The following KRT73 variants were observed in gnomAD, a reference collection of about 807,000 sequenced individuals.
The protein encoded by KRT73 is keratin, type II cytoskeletal 73.
In KRT73, 44 loss-of-function variants were observed where a neutral mutation model predicts 47.2. The observed-to-expected ratio is 0.93, with a 90% CI of 0.73 to 1.20. The LOEUF (loss-of-function observed/expected upper bound fraction) is 1.20. Ranked by LOEUF, KRT73 falls within the 50% of genes most tolerant of loss-of-function variation. The pLI is 0.00. For missense variants in KRT73, 713 were observed against 704.5 expected, an observed-to-expected ratio of 1.01 and a Z score of -0.14; for synonymous variants, 285 against 291.3, an observed-to-expected ratio of 0.98 and a Z score of 0.22.
chr12:52,608,694 T>G (rs1168873586), intron 8 of KRT73, among the ~76,000 whole-genome samples: 1 of 152,236 alleles, frequency 6.6e-6, no homozygotes. Context: ...GCAAGGGCTT[T>G]CCCCAGGGGA....
upstream of KRT73, among the ~76,000 whole-genome samples, chr12:52,620,235 T>C (rs373051179): frequency 8.1e-5 from 12 of 147,928 alleles, no homozygotes; most frequent in South Asian, 2.0e-3. Flanking sequence ...TGCCTCAGCC[T>C]CCTGAGTAGC....
intron 1 of KRT73, among the ~76,000 whole-genome samples, chr12:52,616,796 G>A (rs1025158840): frequency 1.1e-4 from 17 of 152,136 alleles, no homozygotes; most frequent in African/African-American, 4.1e-4. Flanking sequence ...CCCGTGCTCT[G>A]CCTAGTCTCT....
At position 52,608,447 on chromosome 12, in the gene KRT73, T is replaced by C. The variant is rs1472437944; in HGVS notation, c.1372A>G (p.Ile458Val). Reference protein sequence around the residue: ...EYTNSVSISVINSSMAGMAGT... With the variant: ...EYTNSVSISVVNSSMAGMAGT... ...GCCATCCCGGCCATGGAGCTGTTGA[T>C]GACCGCTGCAGAGGAGGGAGGGACG... is the stretch of plus-strand genomic sequence containing the variant. The change falls in exon 9 of 9, where the codon ATC becomes GTC. Residue 458 changes from isoleucine to valine, a missense_variant. Transcript: ENST00000305748. The C allele has an allele frequency of 3.7e-6, 6 of 1,608,958 alleles. No individual in the cohort carries two copies. Among genetic ancestry groups the C allele is most frequent in the Middle Eastern group, 4.4e-4 (2 of 4,558 alleles).
chr12:52,611,074 G>T, intron 6 of KRT73, 130 bp downstream of exon 6: 1 of 1,202,728 alleles, frequency 8.3e-7, no homozygotes, highest in Non-Finnish European at 1.2e-6. Flanking sequence ...AAGGGTGAGG[G>T]ATGAGAGCAG....
At chr12:52,612,935 G>C (rs554621785) in intron 5 of KRT73, 1 of 152,324 alleles carries the variant, frequency 6.6e-6, no homozygotes, top group South Asian at 2.1e-4. Context: ...CCTGACCCTA[G>C]CTTGCAACAC....
upstream of KRT73, among the ~76,000 whole-genome samples, chr12:52,621,656 G>A (rs1352179178): frequency 6.6e-6 from 1 of 152,128 alleles, no homozygotes; most frequent in Non-Finnish European, 1.5e-5. Flanking sequence ...CATCAGGAAA[G>A]GGGCAGCCTA....
chr12:52,612,382 G>C (rs980076665), intron 5 of KRT73: 2 of 152,208 alleles, frequency 1.3e-5, no homozygotes, highest in African/African-American at 4.8e-5. Context: ...GTGGCTCAAG[G>C]GGAAAACAAA....
the KRT73 span, among the ~76,000 whole-genome samples, chr12:52,628,237 T>C: frequency 6.6e-6 from 1 of 152,110 alleles, no homozygotes; most frequent in African/African-American, 2.4e-5. Flanking sequence ...GATTTGCTTC[T>C]GCTATGTTTT....
At chr12:52,622,711 C>T (rs1008987541), upstream of KRT73, among the ~76,000 whole-genome samples, 19 of 152,288 alleles carry the variant, frequency 1.2e-4, no homozygotes, top group African/African-American at 3.9e-4. Flanking sequence ...TCTTTCCACA[C>T]GAGGGCGAAG....
intron 6 of KRT73, 122 bp from the exon 7 acceptor site, chr12:52,610,957 C>G (rs1309582534): frequency 2.1e-6 from 2 of 961,138 alleles, no homozygotes; most frequent in African/African-American, 3.2e-5. Flanking sequence ...GAGACCCAGC[C>G]ACATCCAGGT....
the KRT73 span, among the ~76,000 whole-genome samples, chr12:52,628,080 G>T: frequency 1.3e-5 from 1 of 75,368 alleles, no homozygotes; most frequent in South Asian, 4.1e-4. Flanking sequence ...GGTGGGAGTG[G>T]GCAACCCTTT....
intron 5 of KRT73, 140 bp downstream of exon 5, chr12:52,613,548 C>T: frequency 6.8e-7 from 1 of 1,469,878 alleles, no homozygotes; most frequent in Non-Finnish European, 9.0e-7. Context: ...TTCTCCTCCC[C>T]TTTGGCTTCC....
chr12:52,618,634 G>A (rs1940860857), upstream of KRT73: 9 of 1,195,780 alleles, frequency 7.5e-6, no homozygotes, highest in East Asian at 2.3e-4. Context: ...GGAGCCATGG[G>A]CCTAATTTGT....
At chr12:52,610,943 A>G in intron 6 of KRT73, 108 bp from the exon 7 acceptor site, 1 of 1,041,352 alleles carries the variant, frequency 9.6e-7, no homozygotes, top group Non-Finnish European at 1.4e-6. Flanking sequence ...CATGTCCTGG[A>G]GCAGAGACCC....
Position 52,609,270 on chromosome 12 carries a change from T to A in KRT73, c.1343A>T (p.Glu448Val). The A allele has an allele frequency of 6.2e-7, 1 of 1,613,642 alleles. No homozygotes were observed. Among genetic ancestry groups the A allele is most frequent in the Non-Finnish European group, 8.5e-7 (1 of 1,179,642 alleles). ...ACAAATGCTCACGGAGTTGGTATAT[T>A]CTCCGGACATCCTGCAAGAGAGAAA... ...LEGEECRMSG[E>V]YTNSVSISVI... The change falls in exon 8 of 9, where the codon GAA becomes GTA. Residue 448 changes from glutamate to valine, a missense_variant. Transcript: ENST00000305748.
rs751592269 is a variant in KRT73, at chr12:52,610,714, G to A, written c.1232C>T (p.Ala411Val). 6.2e-7 allele frequency: 1 copy of A among 1,613,994 alleles called. No homozygotes were observed. The highest frequency in any genetic ancestry group is 8.5e-7 in the Non-Finnish European group (1 of 1,180,020). ...GALQQAKEELARMLREYQELL... is the reference protein window; with the variant it reads ...GALQQAKEELVRMLREYQELL... ...CTCTTGGTACTCGCGCAGCATCCGT[G>A]CCAGCTCCTCCTTGGCCTGCTGCAG... The change falls in exon 7 of 9, where the codon GCA (alanine) becomes GTA (valine). Residue 411 changes from alanine (A) to valine (V), a missense_variant. Transcript: ENST00000305748.
In KRT73 at chr12:52,612,156, C is replaced by T. The variant is rs73320398; in HGVS notation, c.985-827G>A. On this transcript the variant is annotated intron_variant, in intron 5 of 8. Coordinates refer to ENST00000305748, the MANE Select transcript of KRT73 (RefSeq NM_175068.3). Reference sequence around the variant, plus strand: ...TTCTGTGACTCCCTCCCTTTGATACCTTAGCTGGGCCCCAGCCCACAGGCA... The same window carrying T: ...TTCTGTGACTCCCTCCCTTTGATACTTTAGCTGGGCCCCAGCCCACAGGCA... 1.4e-4 allele frequency among the ~76,000 whole-genome samples: 22 copies of T among 152,314 alleles called. No individual in the cohort carries two copies. In the South Asian group the frequency reaches 3.1e-3, roughly 22 times the overall value.
intron 2 of KRT73, among the ~76,000 whole-genome samples, chr12:52,615,734 A>T (rs1233170246): frequency 6.6e-6 from 1 of 152,198 alleles, no homozygotes; most frequent in Non-Finnish European, 1.5e-5. Context: ...AGCCAGAACT[A>T]TCTCCCAGGG....
chr12:52,614,519 T>A, intron 4 of KRT73, 60 bp downstream of exon 4: 1 of 1,427,122 alleles, frequency 7.0e-7, no homozygotes, highest in Non-Finnish European at 9.7e-7. Context: ...TAAGAAACTG[T>A]TCATCACATA....
Sources: allele counts gnomAD v4.1 joint callset (sites outside exome capture counted in the v4.1 genomes callset), GRCh38; gene constraint gnomAD v4.1.1; transcripts MANE v1.5; gene names NCBI Gene and HGNC (gene_info 2026-07-23, HGNC 2026-07-21).